RMI1: variants seen among roughly 807,000 people sequenced by gnomAD.
RMI1 encodes the protein RecQ mediated genome instability 1, also known as recQ-mediated genome instability protein 1.
Under a neutral mutation model 46.7 loss-of-function variants are expected in RMI1, and 36 were observed. The observed-to-expected ratio is 0.77, with a 90% CI of 0.59 to 1.02. The LOEUF (loss-of-function observed/expected upper bound fraction) is 1.02, where lower values mean the gene tolerates loss of function less well. RMI1 is among the 50% of genes least tolerant of loss of function. RMI1 has a pLI of 0.00. For missense variants in RMI1, 676 were observed against 713.7 expected, an observed-to-expected ratio of 0.95 and a Z score of 0.60; for synonymous variants, 250 against 252.9, an observed-to-expected ratio of 0.99 and a Z score of 0.11.
intron 1 of RMI1, among the ~76,000 whole-genome samples, chr9:83,991,693 A>G (rs946502725): frequency 2.0e-5 from 3 of 152,036 alleles, no homozygotes; most frequent in African/African-American, 7.2e-5. Flanking sequence ...TCTTATACAT[A>G]TTTTGTAGTT....
intron 1 of RMI1, among the ~76,000 whole-genome samples, chr9:83,985,516 T>G (rs1286431790): frequency 6.6e-6 from 1 of 152,244 alleles, no homozygotes; most frequent in Non-Finnish European, 1.5e-5. Flanking sequence ...TCAATGGAAT[T>G]TTTTTCTTTG....
At chr9:83,990,292 T>G (rs1280650921) in intron 1 of RMI1, among the ~76,000 whole-genome samples, 1 of 152,120 alleles carries the variant, frequency 6.6e-6, no homozygotes, top group Non-Finnish European at 1.5e-5. Flanking sequence ...GGTGGGCGGA[T>G]CACGAGGTCA....
intron 1 of RMI1, among the ~76,000 whole-genome samples, chr9:83,989,494 A>C (rs138142731): frequency 1.3e-5 from 2 of 152,306 alleles, no homozygotes; most frequent in African/African-American, 4.8e-5. Context: ...CAAAAAGCCA[A>C]ATAATCTGAT....
intron 1 of RMI1, among the ~76,000 whole-genome samples, chr9:83,982,163 TAG>T (rs1373902260): frequency 6.6e-6 from 1 of 152,228 alleles, no homozygotes; most frequent in Non-Finnish European, 1.5e-5. Context: ...ACTTGGATTA[TAG>T]AGATTTAATC....
At chr9:83,989,945 T>C (rs1957544209) in intron 1 of RMI1, among the ~76,000 whole-genome samples, 1 of 152,198 alleles carries the variant, frequency 6.6e-6, no homozygotes, top group South Asian at 2.1e-4. Context: ...AAAACCTGAA[T>C]CCATCAGCAG....
In RMI1 at chr9:84,002,431, T is replaced by C. The variant is rs780046706; in HGVS notation, c.1445T>C (p.Ile482Thr). 6.2e-7 allele frequency: 1 copy of C among 1,613,830 alleles called. No individual in the cohort carries two copies. Among genetic ancestry groups the C allele is most frequent in the South Asian group, 1.1e-5 (1 of 91,080 alleles). Residue 482 changes from isoleucine to threonine, a missense_variant, in exon 3 of 3, where the codon ATT (isoleucine) becomes ACT (threonine). Physicochemically the swap from Ile to Thr is moderately conservative, Grantham distance 89. Transcript: ENST00000445877. The part of the protein sequence containing the change: ...RSSENSINLS[I>T]AMDLYSPPFV... The stretch of plus-strand genomic sequence containing the variant: ...TCAGAGAATAGCATTAATCTTTCTA[T>C]TGCCATGGATTTGTATTCTCCACCC...
In RMI1 at chr9:84,002,319, A is replaced by T. The variant is rs758343587; in HGVS notation, c.1333A>T (p.Arg445Ter). 4.4e-6 allele frequency: 7 copies of T among 1,599,710 alleles called. No individual in the cohort carries two copies. The East Asian group carries it at 1.6e-4, about 36-fold the overall frequency. ...TTCCTTAAATAATAAAATATTAAAT[A>T]GAGAGGTGGTCAACTATGTACAGAA... ...SHSLNNKILN[R>*]EVVNYVQKRN... The change falls in exon 3 of 3, where the codon AGA becomes TGA. Residue 445 changes from arginine (R) to a stop codon, truncating the protein, a stop_gained. Coordinates refer to ENST00000445877, the MANE Select transcript of RMI1 (RefSeq NM_001358291.2). LOFTEE classifies it high-confidence loss of function.
intron 1 of RMI1, among the ~76,000 whole-genome samples, chr9:83,990,489 G>A (rs1265831421): frequency 3.4e-5 from 5 of 146,820 alleles, no homozygotes; most frequent in African/African-American, 7.5e-5. Flanking sequence ...CAGCCTGGGC[G>A]ACAGAGCTAG....
chr9:83,987,972 A>G (rs1004123059), intron 1 of RMI1, among the ~76,000 whole-genome samples: 4 of 151,820 alleles, frequency 2.6e-5, no homozygotes, highest in African/African-American at 9.7e-5. Flanking sequence ...TGCAGCCTCA[A>G]CCTCCTGGGC....
chr9:84,000,396 T>C (rs1564084800), intron 2 of RMI1, among the ~76,000 whole-genome samples: 1 of 152,298 alleles, frequency 6.6e-6, no homozygotes, highest in East Asian at 1.9e-4. Context: ...ATCATCCCTT[T>C]GTCCAGCATA....
chr9:83,985,364 T>G (rs1362248581), intron 1 of RMI1, among the ~76,000 whole-genome samples: 1 of 152,246 alleles, frequency 6.6e-6, no homozygotes, highest in Non-Finnish European at 1.5e-5. Context: ...ATGTTAGCAG[T>G]TATTTTATTT....
chr9:84,002,503 C>A lies in RMI1; in HGVS notation c.1517C>A (p.Thr506Lys), dbSNP rs1167476007. ...ATGGCCAGCAAACCAAAGGAAGTTA[C>A]AACAGTGAAAGTGAAAGCATTTATT... The part of the protein sequence containing the change: ...VLMASKPKEV[T>K]TVKVKAFIVT... Residue 506 changes from threonine to lysine, a missense_variant, in exon 3 of 3, where the codon ACA (threonine) becomes AAA (lysine). Physicochemically the swap from Thr to Lys is moderately conservative, Grantham distance 78. Coordinates refer to ENST00000445877, the MANE Select transcript of RMI1 (RefSeq NM_001358291.2). 3 of 1,613,836 alleles carry A rather than the reference C, an allele frequency of 1.9e-6. No homozygotes were observed. The highest frequency in any genetic ancestry group is 8.5e-7 in the Non-Finnish European group (1 of 1,179,970).
intron 1 of RMI1, among the ~76,000 whole-genome samples, chr9:83,988,783 A>G (rs1957528190): frequency 6.6e-6 from 1 of 152,128 alleles, no homozygotes; most frequent in Non-Finnish European, 1.5e-5. Flanking sequence ...AATAATATTG[A>G]ACTGTTTTCC....
intron 1 of RMI1, among the ~76,000 whole-genome samples, chr9:83,992,375 C>T (rs1256731480): frequency 3.3e-5 from 5 of 151,980 alleles, no homozygotes; most frequent in Non-Finnish European, 7.4e-5. Flanking sequence ...ATATTTTCTC[C>T]ACAAGACAGA....
chr9:84,002,281 G>T lies in RMI1; in HGVS notation c.1295G>T (p.Ser432Ile), dbSNP rs1284023742. The T allele has an allele frequency of 6.2e-7, 1 of 1,605,034 alleles. No homozygotes were observed. Among genetic ancestry groups the T allele is most frequent in the Admixed American group, 1.7e-5 (1 of 58,994 alleles). The change falls in exon 3 of 3, where the codon AGT (serine) becomes ATT (isoleucine). Residue 432 changes from serine to isoleucine, a missense_variant. By Grantham distance (142) the Ser-to-Ile change is moderately radical. Coordinates refer to ENST00000445877, the MANE Select transcript of RMI1 (RefSeq NM_001358291.2). ...GATAATAAAATAAAACAAACCAGCA[G>T]TTCAGATAGCCATTCCTTAAATAAT... ...ETDNKIKQTS[S>I]SDSHSLNNKI...
At chr9:83,985,736 C>T (rs533503263) in intron 1 of RMI1, among the ~76,000 whole-genome samples, 64 of 152,282 alleles carry the variant, frequency 4.2e-4, no homozygotes, top group Non-Finnish European at 4.1e-4. Flanking sequence ...CGGCCGGGCG[C>T]GGTGGCTCAC....
At chr9:83,997,966 A>T (rs986230301) in intron 1 of RMI1, among the ~76,000 whole-genome samples, 48 of 148,228 alleles carry the variant, frequency 3.2e-4, no homozygotes, top group Non-Finnish European at 5.7e-4. Context: ...CAGGCTAATT[A>T]AAAAAAAAAA....
In RMI1 at chr9:84,001,575, C is replaced by CT. The variant is rs749328615; in HGVS notation, c.593dup (p.Leu198PhefsTer18). 6.2e-7 allele frequency: 1 copy of CT among 1,613,930 alleles called. No homozygotes were observed. Among genetic ancestry groups the CT allele is most frequent in the East Asian group, 2.2e-5 (1 of 44,866 alleles). ...AGTGTTAGGAGGTGAAGTAGATGCT[C>CT]TTTTAGAAGAATATGCCCAAGAAAA... On this transcript the variant is annotated frameshift_variant, in exon 3 of 3. Coordinates refer to ENST00000445877, the MANE Select transcript of RMI1 (RefSeq NM_001358291.2). LOFTEE classifies it high-confidence loss of function.
chr9:83,995,154 C>G (rs772107354), intron 1 of RMI1, among the ~76,000 whole-genome samples: 1 of 151,962 alleles, frequency 6.6e-6, no homozygotes, highest in Admixed American at 6.6e-5. Flanking sequence ...TGCGTGCAAC[C>G]ATGCCCAGCT....
Sources: allele counts gnomAD v4.1 joint callset (sites outside exome capture counted in the v4.1 genomes callset), GRCh38; gene constraint gnomAD v4.1.1; transcripts MANE v1.5; gene names NCBI Gene and HGNC (gene_info 2026-07-23, HGNC 2026-07-21).